PKHD1: variants seen among roughly 807,000 people sequenced by gnomAD.
The protein encoded by PKHD1 is fibrocystin.
A neutral mutation model predicts 412.0 loss-of-function variants in PKHD1; 291 were observed. The ratio of observed to expected loss-of-function variants is 0.71; its 90% CI spans 0.64 to 0.78. The LOEUF (loss-of-function observed/expected upper bound fraction) is 0.78, where lower values mean the gene tolerates loss of function less well. Among genes scored for constraint, PKHD1 ranks in the 30% least tolerant of loss-of-function variants. PKHD1 has a pLI of 0.00. For synonymous variants in PKHD1, 1,777 were observed against 1,821.5 expected (o/e 0.98, Z 0.62); for missense variants, 4,825 against 4,950.7 (o/e 0.97, Z 0.76).
chr6:52,026,186 A>C lies in PKHD1; in HGVS notation c.3629-5T>G. On this transcript the variant is annotated splice_region_variant and splice_polypyrimidine_tract_variant and intron_variant, in intron 31 of 66. Transcript: ENST00000371117. The stretch of plus-strand genomic sequence containing the variant: ...AGATGCTGAGGATGGTCCCTCCTAA[A>C]GTATGAATACGGAAAGCAAAATATT... 1.9e-6 allele frequency: 3 copies of C among 1,613,704 alleles called. No homozygotes were observed. The highest frequency in any genetic ancestry group is 2.5e-6 in the Non-Finnish European group (3 of 1,179,768).
chr6:52,009,022 C>T (rs532470154), intron 35 of PKHD1, among the ~76,000 whole-genome samples: 26 of 152,280 alleles, frequency 1.7e-4, no homozygotes, highest in East Asian at 7.7e-4. Flanking sequence ...GCAGTCTCAG[C>T]GCACTACAAT....
At chr6:52,033,307 GTC>G (rs1803365088) in intron 28 of PKHD1, 142 bp from the exon 29 acceptor site, 1 of 713,754 alleles carries the variant, frequency 1.4e-6, no homozygotes, top group South Asian at 1.6e-5. Flanking sequence ...CTACTTCCAA[GTC>G]TCTCTCTTCT....
At chr6:51,719,325 C>T (rs888327028) in intron 60 of PKHD1, among the ~76,000 whole-genome samples, 2 of 152,114 alleles carry the variant, frequency 1.3e-5, no homozygotes, top group African/African-American at 4.8e-5. Context: ...CCTCTCACCT[C>T]AGGTAGGCAA....
chr6:51,685,624 C>T (rs994423029), intron 60 of PKHD1, among the ~76,000 whole-genome samples: 2 of 152,138 alleles, frequency 1.3e-5, no homozygotes, highest in African/African-American at 2.4e-5. Context: ...CCTACATTTA[C>T]GTTGGCCTAT....
intron 60 of PKHD1, among the ~76,000 whole-genome samples, chr6:51,694,118 A>C (rs1321102390): frequency 6.6e-6 from 1 of 152,122 alleles, no homozygotes; most frequent in Non-Finnish European, 1.5e-5. Flanking sequence ...CATCTTAATA[A>C]TTAATATTCT....
At chr6:51,748,998 T>C (rs985485708) in intron 57 of PKHD1, among the ~76,000 whole-genome samples, 4 of 152,122 alleles carry the variant, frequency 2.6e-5, no homozygotes, top group Non-Finnish European at 5.9e-5. Flanking sequence ...GTCAAAGAAC[T>C]GGGTAAGAAT....
At chr6:51,749,708 C>T (rs1435606049) in intron 57 of PKHD1, among the ~76,000 whole-genome samples, 5 of 152,122 alleles carry the variant, frequency 3.3e-5, no homozygotes, top group African/African-American at 9.7e-5. Context: ...AACTAACAAA[C>T]TAGGACTTAA....
chr6:52,081,548 C>T (rs1260002884), intron 4 of PKHD1, among the ~76,000 whole-genome samples: 4 of 121,574 alleles, frequency 3.3e-5, no homozygotes, highest in Non-Finnish European at 7.2e-5. Context: ...CGTGCTGTAC[C>T]TTTGTGTAAA....
Position 51,617,766 on chromosome 6 carries a change from C to A in PKHD1, c.*1315G>T, listed in dbSNP as rs1001044002. ...ACATAACAGCTGTCTGCCAGTACTTCTCATAGAACTAATTCAGGGCATCAT... is the reference window on the plus strand; with the variant it reads ...ACATAACAGCTGTCTGCCAGTACTTATCATAGAACTAATTCAGGGCATCAT... On this transcript the variant is annotated 3_prime_UTR_variant, in exon 67 of 67. Coordinates refer to ENST00000371117, the MANE Select transcript of PKHD1 (RefSeq NM_138694.4). The A allele has an allele frequency of 1.3e-5, 2 of 152,218 alleles. No homozygotes were observed. The highest frequency in any genetic ancestry group is 6.5e-5 in the Admixed American group (1 of 15,282). 9.4% of individuals were successfully genotyped at this position (152,218 alleles called of 1,614,324 possible).
intron 43 of PKHD1, among the ~76,000 whole-genome samples, chr6:51,894,740 A>G (rs896185171): frequency 6.6e-6 from 1 of 152,228 alleles, no homozygotes; most frequent in African/African-American, 2.4e-5. Context: ...CCAAACATGA[A>G]GATTAGGCCA....
intron 35 of PKHD1, among the ~76,000 whole-genome samples, chr6:51,966,736 G>A (rs556617316): frequency 2.7e-4 from 41 of 152,190 alleles, no homozygotes; most frequent in African/African-American, 3.9e-4. Flanking sequence ...ACAAATTCCT[G>A]ACCTCATGGA....
At chr6:51,689,082 G>A (rs558094225) in intron 60 of PKHD1, among the ~76,000 whole-genome samples, 3 of 152,194 alleles carry the variant, frequency 2.0e-5, no homozygotes, top group African/African-American at 7.2e-5. Flanking sequence ...GATGAACATC[G>A]ATGCAAAAAT....
intron 60 of PKHD1, among the ~76,000 whole-genome samples, chr6:51,706,155 C>A (rs565177581): frequency 6.6e-6 from 1 of 152,048 alleles, no homozygotes; most frequent in Non-Finnish European, 1.5e-5. Context: ...TTTCCTCTCT[C>A]GAAATTTTTT....
intron 52 of PKHD1, among the ~76,000 whole-genome samples, chr6:51,819,445 C>T (rs1187565230): frequency 2.6e-5 from 4 of 152,106 alleles, no homozygotes; most frequent in Admixed American, 2.6e-4. Context: ...TAAATTGTTG[C>T]TTTTAGCCTT....
rs267601070 is a variant in PKHD1, at chr6:52,024,928, G to A, written c.4882C>T (p.Pro1628Ser). Residue 1628 changes from proline to serine, a missense_variant, in exon 32 of 67, where the codon CCC becomes TCC. By Grantham distance (74) the Pro-to-Ser change is moderately conservative. Coordinates refer to ENST00000371117, the MANE Select transcript of PKHD1 (RefSeq NM_138694.4). ...AGGGCAACAGAGCCATTCCCTGTGG[G>A]AACAATGCACCGGATGAGCTCAGCA... ...IGAELIRCIVPTGNGSVALEI... is the reference protein window; with the variant it reads ...IGAELIRCIVSTGNGSVALEI... The A allele has an allele frequency of 6.2e-7, 1 of 1,614,172 alleles. No individual in the cohort carries two copies. The highest frequency in any genetic ancestry group is 8.5e-7 in the Non-Finnish European group (1 of 1,180,042).
At chr6:52,039,037 T>A (rs981507390) in intron 27 of PKHD1, among the ~76,000 whole-genome samples, 1 of 152,134 alleles carries the variant, frequency 6.6e-6, no homozygotes, top group African/African-American at 2.4e-5. Context: ...ACCTCAACAA[T>A]AAAATGACAA....
chr6:52,029,702 C>A (rs1350781764), intron 29 of PKHD1, among the ~76,000 whole-genome samples: 2 of 152,118 alleles, frequency 1.3e-5, no homozygotes, highest in Admixed American at 1.3e-4. Context: ...CACCCAGTGG[C>A]TTGGAGAGGA....
At chr6:51,761,999 A>C (rs531836391) in intron 55 of PKHD1, among the ~76,000 whole-genome samples, 1 of 152,038 alleles carries the variant, frequency 6.6e-6, no homozygotes, top group Admixed American at 6.6e-5. Flanking sequence ...TCAGTCCATC[A>C]GGAGTCATGT....
In PKHD1 at chr6:51,801,654, T is replaced by TGTGTGTGTGTGTGTGTGTGTGAGAGAGA. The variant is rs751203950; in HGVS notation, c.8303-10282_8303-10281insTCTCTCTCACACACACACACACACACAC. On this transcript the variant is annotated intron_variant, in intron 52 of 66. Transcript: ENST00000371117. ...GCTGGCCTGATTGTGTGTGTGTGTG[T>TGTGTGTGTGTGTGTGTGTGTGAGAGAGA]GAGAGAGAGAGAGAGAGAGAGAGAG... Among the ~76,000 whole-genome samples the TGTGTGTGTGTGTGTGTGTGTGAGAGAGA allele has an allele frequency of 1.2e-3, 141 of 114,232 alleles. 1 individual carries two copies. Among genetic ancestry groups the TGTGTGTGTGTGTGTGTGTGTGAGAGAGA allele is most frequent in the African/African-American group, 5.1e-3 (135 of 26,622 alleles). 74.9% of individuals were successfully genotyped at this position (114,232 alleles called of 152,430 possible).
Sources: allele counts gnomAD v4.1 joint callset (sites outside exome capture counted in the v4.1 genomes callset), GRCh38; gene constraint gnomAD v4.1.1; transcripts MANE v1.5; gene names NCBI Gene and HGNC (gene_info 2026-07-23, HGNC 2026-07-21).